CHRM3: variants seen among roughly 807,000 people sequenced by gnomAD.
The protein encoded by CHRM3 is muscarinic acetylcholine receptor M3.
In CHRM3, 11 loss-of-function variants were observed where a neutral mutation model predicts 41.8. That is an observed-to-expected ratio of 0.26 (90% CI 0.17 to 0.44). The LOEUF (loss-of-function observed/expected upper bound fraction) is 0.44. Among genes scored for constraint, CHRM3 ranks in the 20% least tolerant of loss-of-function variants. The probability of loss-of-function intolerance (pLI) is 1.00; values close to 1 mark genes in which losing one functional copy is unlikely to be tolerated. For missense variants in CHRM3, 571 were observed against 745.4 expected, an observed-to-expected ratio of 0.77 and a Z score of 2.72; for synonymous variants, 297 against 301.4, an observed-to-expected ratio of 0.99 and a Z score of 0.15.
chr1:239,499,140 G>A (rs1348756393), intron 2 of CHRM3, among the ~76,000 whole-genome samples: 1 of 152,116 alleles, frequency 6.6e-6, no homozygotes, highest in Non-Finnish European at 1.5e-5. Flanking sequence ...AATAAAGGGT[G>A]AATTTCTTCA....
chr1:239,734,705 T>G (rs1237266986), intron 5 of CHRM3, among the ~76,000 whole-genome samples: 1 of 152,124 alleles, frequency 6.6e-6, no homozygotes, highest in African/African-American at 2.4e-5. Flanking sequence ...TAAGTTGGGA[T>G]ACTGGTATAG....
At chr1:239,585,997 A>G (rs1663358579) in intron 3 of CHRM3, among the ~76,000 whole-genome samples, 1 of 152,212 alleles carries the variant, frequency 6.6e-6, no homozygotes, top group Non-Finnish European at 1.5e-5. Context: ...GAACTCAACT[A>G]ATAAATCATA....
chr1:239,426,708 G>A (rs1380157023), intron 1 of CHRM3, among the ~76,000 whole-genome samples: 1 of 152,136 alleles, frequency 6.6e-6, no homozygotes, highest in East Asian at 1.9e-4. Flanking sequence ...CATATATCAG[G>A]CAATAGTTTC....
intron 5 of CHRM3, among the ~76,000 whole-genome samples, chr1:239,761,086 T>C (rs1000927946): frequency 1.3e-5 from 2 of 152,104 alleles, no homozygotes; most frequent in African/African-American, 4.8e-5. Context: ...TTTCTGGTCT[T>C]TTTTCTCCCT....
chr1:239,584,108 C>CTTT (rs769127124), intron 3 of CHRM3, among the ~76,000 whole-genome samples: 150 of 124,340 alleles, frequency 1.2e-3, no homozygotes, highest in African/African-American at 2.1e-3. Flanking sequence ...TCTTCTTCTT[C>CTTT]TTTTTTTTTT....
rs1666445009 is a variant in CHRM3, at chr1:239,758,741, TTTCCCC to T, written c.-146-68510_-146-68505del. Among the ~76,000 whole-genome samples the T allele has an allele frequency of 6.6e-5, 10 of 152,364 alleles. No homozygotes were observed. In the South Asian group the frequency reaches 2.1e-3, roughly 32 times the overall value. On this transcript the variant is annotated intron_variant, in intron 5 of 6. Coordinates refer to ENST00000676153, the MANE Select transcript of CHRM3 (RefSeq NM_001375978.1). ...TTTTATTTTATAGTTCTAAGATATT[TTTCCCC>T]CTTAGAAAAACTCTTTGTTGACAGA...
At chr1:239,436,038 G>A (rs1663239663) in intron 1 of CHRM3, among the ~76,000 whole-genome samples, 1 of 152,130 alleles carries the variant, frequency 6.6e-6, no homozygotes, top group Non-Finnish European at 1.5e-5. Context: ...AGTCGTGGAA[G>A]ACAATGTGAA....
chr1:239,901,475 T>C (rs1679562034), intron 6 of CHRM3, among the ~76,000 whole-genome samples: 1 of 152,156 alleles, frequency 6.6e-6, no homozygotes, highest in Non-Finnish European at 1.5e-5. Context: ...TATCCTTCTA[T>C]GACAATTTTA....
chr1:239,643,469 A>G (rs894364205), intron 4 of CHRM3, among the ~76,000 whole-genome samples: 1 of 152,194 alleles, frequency 6.6e-6, no homozygotes, highest in Non-Finnish European at 1.5e-5. Flanking sequence ...AGCCTGGGCA[A>G]TGGTGGGCGC....
intron 5 of CHRM3, among the ~76,000 whole-genome samples, chr1:239,763,825 G>A (rs1025747529): frequency 6.6e-6 from 1 of 151,940 alleles, no homozygotes; most frequent in South Asian, 2.1e-4. Flanking sequence ...GCTGGACATG[G>A]TGACTCATCC....
intron 5 of CHRM3, among the ~76,000 whole-genome samples, chr1:239,823,155 T>C (rs1672187233): frequency 1.3e-5 from 2 of 152,338 alleles, no homozygotes; most frequent in South Asian, 4.1e-4. Flanking sequence ...CAGCATTTTA[T>C]ACATTTTAAA....
intron 2 of CHRM3, among the ~76,000 whole-genome samples, chr1:239,534,344 A>G (rs1388927812): frequency 6.6e-6 from 1 of 152,208 alleles, no homozygotes; most frequent in African/African-American, 2.4e-5. Context: ...AAATTTTAGG[A>G]GAACGTGCAT....
intron 1 of CHRM3, among the ~76,000 whole-genome samples, chr1:239,480,553 T>G (rs1052627473): frequency 2.1e-5 from 3 of 140,358 alleles, no homozygotes; most frequent in Non-Finnish European, 3.1e-5. Context: ...ATTTTTTTTT[T>G]TTTTTTTTTT....
rs541717979 is a variant in CHRM3 at position 239,737,460 on chromosome 1, C to T, written c.-147+59172C>T. On this transcript the variant is annotated intron_variant, in intron 5 of 6. Coordinates refer to ENST00000676153, the MANE Select transcript of CHRM3 (RefSeq NM_001375978.1). ...GAAAAAATAAACACACAACTAACCC[C>T]GTTTAGAGGTGTTCAGATGTTTCAA... Among the ~76,000 whole-genome samples, 9 of 152,276 alleles carry T rather than the reference C, an allele frequency of 5.9e-5. No homozygotes were observed. In the South Asian group the frequency reaches 1.5e-3, roughly 25 times the overall value.
intron 1 of CHRM3, among the ~76,000 whole-genome samples, chr1:239,394,544 C>G (rs937951482): frequency 1.3e-5 from 2 of 152,154 alleles, no homozygotes; most frequent in Non-Finnish European, 2.9e-5. Flanking sequence ...GTGGGCACAT[C>G]TTTTGGAGGG....
rs531830402 is a variant in CHRM3 at position 239,643,578 on chromosome 1, C to T, written c.-250+11292C>T. Among the ~76,000 whole-genome samples the T allele has an allele frequency of 3.1e-4, 47 of 152,302 alleles. 1 individual carries two copies. Among genetic ancestry groups the T allele is most frequent in the East Asian group, 2.5e-3 (13 of 5,162 alleles). The stretch of plus-strand genomic sequence containing the variant: ...GGCGTAGGACCCTCCGAGCCAGGTG[C>T]GGGATATAATCTCCTGCTGTGCCCT... On this transcript the variant is annotated intron_variant, in intron 4 of 6. Coordinates refer to ENST00000676153, the MANE Select transcript of CHRM3 (RefSeq NM_001375978.1).
At chr1:239,877,258 G>A (rs1677181335) in intron 6 of CHRM3, among the ~76,000 whole-genome samples, 1 of 152,062 alleles carries the variant, frequency 6.6e-6, no homozygotes, top group African/African-American at 2.4e-5. Flanking sequence ...TCTATAGGAA[G>A]TTAGGGGCTT....
intron 5 of CHRM3, among the ~76,000 whole-genome samples, chr1:239,734,958 A>G (rs1664276901): frequency 6.6e-6 from 1 of 152,146 alleles, no homozygotes; most frequent in Admixed American, 6.6e-5. Flanking sequence ...AAGTCTTCCT[A>G]TTCCATAGCA....
intron 5 of CHRM3, among the ~76,000 whole-genome samples, chr1:239,800,745 A>G (rs1481615894): frequency 6.6e-6 from 1 of 152,240 alleles, no homozygotes; most frequent in African/African-American, 2.4e-5. Flanking sequence ...TGAGATGATC[A>G]TAGTTCATTT....
Sources: allele counts gnomAD v4.1 joint callset (sites outside exome capture counted in the v4.1 genomes callset), GRCh38; gene constraint gnomAD v4.1.1; transcripts MANE v1.5; gene names NCBI Gene and HGNC (gene_info 2026-07-23, HGNC 2026-07-21).